The following FKBP14 variants were observed in gnomAD, a reference collection of about 807,000 sequenced individuals.
FKBP14 encodes the protein peptidyl-prolyl cis-trans isomerase FKBP14.
In FKBP14, 20 loss-of-function variants were observed where a neutral mutation model predicts 21.6. That is an observed-to-expected ratio of 0.92 (90% CI 0.65 to 1.34). The LOEUF is 1.34. FKBP14 is among the 40% of genes most tolerant of loss of function. The pLI is 0.00. For missense variants in FKBP14, 253 were observed against 249.0 expected (o/e 1.02, Z -0.11); for synonymous variants, 79 against 86.7 (o/e 0.91, Z 0.49).
At chr7:30,010,269 T>C (rs1789690775), downstream of FKBP14, among the ~76,000 whole-genome samples, 1 of 152,104 alleles carries the variant, frequency 6.6e-6, no homozygotes, top group South Asian at 2.1e-4. Context: ...AAAACAACAG[T>C]GATAATAACC....
chr7:30,023,869 A>G (rs970854973), intron 1 of FKBP14, among the ~76,000 whole-genome samples: 10 of 152,196 alleles, frequency 6.6e-5, no homozygotes, highest in African/African-American at 2.4e-4. Flanking sequence ...ACCTCCCACC[A>G]GGTCCCTTCC....
At chr7:30,014,949 C>T in intron 3 of FKBP14, 56 bp from the exon 4 acceptor site, 1 of 1,212,704 alleles carries the variant, frequency 8.2e-7, no homozygotes, top group Non-Finnish European at 1.1e-6. Flanking sequence ...CCACATTGAG[C>T]CAATCAATAT....
rs963011175 is a variant in FKBP14 at position 30,026,674 on chromosome 7, G to C, written c.-166C>G. ...TTTACCACCAACTCTTTTCTCAAGG[G>C]TCACGAACCTACCTTTAAAGAGTTA... is the stretch of plus-strand genomic sequence containing the variant. On this transcript the variant is annotated 5_prime_UTR_variant, in exon 1 of 4. Coordinates refer to ENST00000222803, the MANE Select transcript of FKBP14 (RefSeq NM_017946.4). 6.7e-6 allele frequency: 4 copies of C among 596,668 alleles called. No homozygotes were observed. The highest frequency in any genetic ancestry group is 6.1e-5 in the Admixed American group (2 of 32,956). 37.0% of individuals were successfully genotyped at this position (596,668 alleles called of 1,614,324 possible).
Position 30,022,811 on chromosome 7 carries a change from T to C in FKBP14, c.203A>G (p.Lys68Arg), listed in dbSNP as rs535468522. The change falls in exon 2 of 4, where the codon AAA becomes AGA. Residue 68 changes from lysine to arginine, a missense_variant. Lys to Arg is a conservative substitution (Grantham distance 26, BLOSUM62 2). Transcript: ENST00000222803. ...CCAAATGGGCTGACCATTGTTATGT[T>C]TGTGACTATGATAGAAATAAAACAC... Reference protein sequence around the residue: ...KDGSLFHSTHKHNNGQPIWFT... With the variant: ...KDGSLFHSTHRHNNGQPIWFT... 1.2e-6 allele frequency: 2 copies of C among 1,612,208 alleles called. No homozygotes were observed. Among genetic ancestry groups the C allele is most frequent in the South Asian group, 2.2e-5 (2 of 90,550 alleles).
chr7:30,026,624 C>A lies in FKBP14; in HGVS notation c.-116G>T. The A allele has an allele frequency of 1.2e-6, 1 of 868,634 alleles. No individual in the cohort carries two copies. 53.8% of individuals were successfully genotyped at this position (868,634 alleles called of 1,614,324 possible). ...AAGGGCTTCAGACAAGTTCAGGACT[C>A]CCCCTTCTTAGAAGACGTGGCACAT... On this transcript the variant is annotated 5_prime_UTR_variant, in exon 1 of 4. Transcript: ENST00000222803.
downstream of FKBP14, among the ~76,000 whole-genome samples, chr7:30,006,844 C>G (rs1012420634): frequency 6.6e-6 from 1 of 152,182 alleles, no homozygotes; most frequent in Non-Finnish European, 1.5e-5. Context: ...GTTACTTCCC[C>G]AAGGAGACCT....
intron 1 of FKBP14, 88 bp from the exon 2 acceptor site, chr7:30,022,904 T>A: frequency 8.2e-7 from 1 of 1,221,060 alleles, no homozygotes; most frequent in Non-Finnish European, 1.1e-6. Context: ...GTGGTTAAGT[T>A]TATTAGTTTA....
intron 3 of FKBP14, among the ~76,000 whole-genome samples, chr7:30,016,448 T>C (rs11770926): frequency 0.28 from 42,613 of 151,798 alleles, 6,452 homozygotes; most frequent in African/African-American, 0.39. Flanking sequence ...GGCTGGAGTA[T>C]AGTGGCACGA....
chr7:30,015,468 C>G (rs903976084), intron 3 of FKBP14, among the ~76,000 whole-genome samples: 1 of 150,220 alleles, frequency 6.7e-6, no homozygotes, highest in Non-Finnish European at 1.5e-5. Context: ...ATAGCTCTCT[C>G]TATATATATA....
At chr7:30,008,376 A>G (rs968259743), downstream of FKBP14, 1 of 152,112 alleles carries the variant, frequency 6.6e-6, no homozygotes, top group Non-Finnish European at 1.5e-5. Context: ...TCCAAACCTA[A>G]GGTAAGAATG....
intron 3 of FKBP14, among the ~76,000 whole-genome samples, chr7:30,015,601 TTTC>T (rs1789861480): frequency 6.9e-6 from 1 of 144,472 alleles, no homozygotes; most frequent in African/African-American, 2.6e-5. Context: ...ATACTAGGCA[TTTC>T]TTTTCTTTTT....
In FKBP14 at chr7:30,014,797, C is replaced by A. The variant is rs1789836441; in HGVS notation, c.574G>T (p.Asp192Tyr). 1 of 1,611,436 alleles carries A rather than the reference C, an allele frequency of 6.2e-7. No individual in the cohort carries two copies. The highest frequency in any genetic ancestry group is 2.2e-5 in the East Asian group (1 of 44,660). Residue 192 changes from aspartate to tyrosine, a missense_variant, in exon 4 of 4, where the codon GAT becomes TAT. Coordinates refer to ENST00000222803, the MANE Select transcript of FKBP14 (RefSeq NM_017946.4). ...GATATAAACCCATCTTTGTCTTCAT[C>A]TTCTTTATCAAAAATATCCTCCACC... The part of the protein sequence containing the change: ...ALVEDIFDKE[D>Y]EDKDGFISAR...
In FKBP14 at chr7:30,011,578, TATATATATATATA is replaced by T. The variant is rs1789735349; in HGVS notation, c.*3144_*3156del. 1.0e-5 allele frequency: 1 copy of T among 97,988 alleles called. No individual in the cohort carries two copies. Among genetic ancestry groups the T allele is most frequent in the African/African-American group, 4.0e-5 (1 of 25,014 alleles). The allele number at this position is 97,988 out of a possible 1,614,324, so 6.1% of individuals were successfully genotyped here. On this transcript the variant is annotated 3_prime_UTR_variant, in exon 4 of 4. Transcript: ENST00000222803. ...ATATATATATACCATATATATGGTATATATATATATATAGTATATATATATATATATATTTTTT... is the reference window on the plus strand; with the variant it reads ...ATATATATATACCATATATATGGTATGTATATATATATATATATATTTTTT...
intron 3 of FKBP14, 129 bp downstream of exon 3, chr7:30,018,867 T>C (rs897475053): frequency 1.0e-5 from 9 of 902,236 alleles, no homozygotes; most frequent in Non-Finnish European, 1.3e-5. Flanking sequence ...AAATAAATGT[T>C]ACCTAAATAA....
intron 3 of FKBP14, among the ~76,000 whole-genome samples, chr7:30,018,348 A>T (rs1208575671): frequency 6.6e-6 from 1 of 152,190 alleles, no homozygotes; most frequent in Non-Finnish European, 1.5e-5. Flanking sequence ...ATCTCCCTCC[A>T]CTTCTTTCCC....
At chr7:30,008,676 TAA>T (rs555628865), downstream of FKBP14, among the ~76,000 whole-genome samples, 38 of 115,168 alleles carry the variant, frequency 3.3e-4, no homozygotes, top group Non-Finnish European at 2.7e-4. Context: ...AGCTGAGATT[TAA>T]AAAAAAAAAA....
chr7:30,026,317 G>A lies in FKBP14; in HGVS notation c.192C>T (p.His64=). The A allele has an allele frequency of 6.2e-7, 1 of 1,603,998 alleles. No individual in the cohort carries two copies. Residue 64 remains histidine (H), a synonymous_variant, in exon 1 of 4, where the codon CAC becomes CAT. Transcript: ENST00000222803. The stretch of plus-strand genomic sequence containing the variant: ...TGCGGGGCATAATTACTTACGTGGA[G>A]TGAAATAAGGAGCCGTCCTTTTCTA... ...GYLEKDGSLF[H]STHKHNNGQP... is the part of the protein sequence containing the mutation.
At chr7:30,010,088 A>G (rs1256899406), downstream of FKBP14, among the ~76,000 whole-genome samples, 1 of 152,214 alleles carries the variant, frequency 6.6e-6, no homozygotes. Flanking sequence ...TCATTTCCAT[A>G]AGGAAAGATC....
At chr7:30,024,070 A>G (rs1455200831) in intron 1 of FKBP14, among the ~76,000 whole-genome samples, 1 of 152,190 alleles carries the variant, frequency 6.6e-6, no homozygotes, top group Non-Finnish European at 1.5e-5. Context: ...CCTGATCCCT[A>G]CCTAGCTCCC....
Sources: allele counts gnomAD v4.1 joint callset (sites outside exome capture counted in the v4.1 genomes callset), GRCh38; gene constraint gnomAD v4.1.1; transcripts MANE v1.5; gene names NCBI Gene and HGNC (gene_info 2026-07-23, HGNC 2026-07-21).